The following FRAS1 variants were observed in gnomAD, a reference collection of about 807,000 sequenced individuals.
FRAS1 encodes extracellular matrix organizing protein FRAS1.
Under a neutral mutation model 435.2 loss-of-function variants are expected in FRAS1, and 290 were observed. That is an observed-to-expected ratio of 0.67 (90% CI 0.61 to 0.73). The LOEUF (loss-of-function observed/expected upper bound fraction) is 0.73, where lower values mean the gene tolerates loss of function less well. Ranked by LOEUF, FRAS1 falls within the 30% of genes least tolerant of loss-of-function variation. The probability of loss-of-function intolerance (pLI) is 0.00; values close to 1 mark genes in which losing one functional copy is unlikely to be tolerated. For synonymous variants in FRAS1, 1,800 were observed against 1,851.0 expected, an observed-to-expected ratio of 0.97 and a Z score of 0.71; for missense variants, 4,860 against 5,001.5, an observed-to-expected ratio of 0.97 and a Z score of 0.85.
At chr4:78,383,240 A>T (rs916084026) in intron 27 of FRAS1, among the ~76,000 whole-genome samples, 2 of 152,166 alleles carry the variant, frequency 1.3e-5, no homozygotes, top group African/African-American at 4.8e-5. Context: ...AAAATGTAAG[A>T]CTTGTTATAA....
intron 14 of FRAS1, among the ~76,000 whole-genome samples, chr4:78,302,010 C>G (rs1390013312): frequency 6.6e-6 from 1 of 151,952 alleles, no homozygotes; most frequent in African/African-American, 2.4e-5. Context: ...CCCACTCCCC[C>G]CACCCCACAA....
intron 31 of FRAS1, 110 bp from the exon 32 acceptor site, chr4:78,412,859 G>T: frequency 2.0e-6 from 1 of 505,804 alleles, no homozygotes; most frequent in Non-Finnish European, 3.5e-6. Context: ...TTGTAACGCA[G>T]GAGCATATAG....
chr4:78,466,353 GTAACTCCC>G lies in FRAS1; in HGVS notation c.7177_7184del (p.Asn2393GlnfsTer10). On this transcript the variant is annotated frameshift_variant, in exon 50 of 74. Transcript: ENST00000512123. LOFTEE classifies it high-confidence loss of function. ...CGGGTCAGCTACAGCCATGACGGCA[GTAACTCCC>G]TCAAGGACCGGTTCACCTTCACTGT... is the stretch of plus-strand genomic sequence containing the variant. 1 of 1,613,972 alleles carries G rather than the reference GTAACTCCC, an allele frequency of 6.2e-7. No homozygotes were observed. Among genetic ancestry groups the G allele is most frequent in the Non-Finnish European group, 8.5e-7 (1 of 1,179,886 alleles).
Position 78,246,204 on chromosome 4 carries a change from G to A in FRAS1, c.309+879G>A, listed in dbSNP as rs28672140. The stretch of plus-strand genomic sequence containing the variant: ...TGAGGTAGTAGGTACGGTTGAATAT[G>A]ATGGAAAGAGACTTTGCTTTAATCC... On this transcript the variant is annotated intron_variant, in intron 4 of 73. Coordinates refer to ENST00000512123, the MANE Select transcript of FRAS1 (RefSeq NM_025074.7). Among the ~76,000 whole-genome samples, 9 of 152,278 alleles carry A rather than the reference G, an allele frequency of 5.9e-5. No homozygotes were observed. The East Asian group carries it at 1.7e-3, about 29-fold the overall frequency.
intron 2 of FRAS1, among the ~76,000 whole-genome samples, chr4:78,100,818 T>C (rs2109918191): frequency 6.6e-6 from 1 of 152,324 alleles, no homozygotes; most frequent in South Asian, 2.1e-4. Flanking sequence ...ATTATCCCTA[T>C]TTTACAATCA....
intron 4 of FRAS1, among the ~76,000 whole-genome samples, chr4:78,249,360 A>C: frequency 1.9e-5 from 2 of 104,038 alleles, no homozygotes; most frequent in Admixed American, 1.6e-4. Flanking sequence ...ATGGAGTCTC[A>C]CTCTGTCTCC....
intron 2 of FRAS1, among the ~76,000 whole-genome samples, chr4:78,088,705 A>T (rs1201757398): frequency 6.6e-6 from 1 of 152,194 alleles, no homozygotes; most frequent in Non-Finnish European, 1.5e-5. Flanking sequence ...CCATCAGAGA[A>T]ATGCAAATCA....
At chr4:78,422,021 T>A in intron 34 of FRAS1, 21 bp downstream of exon 34, 1 of 1,597,696 alleles carries the variant, frequency 6.3e-7, no homozygotes, top group Non-Finnish European at 8.5e-7. Context: ...CCTCTCTGCT[T>A]TGAGGCACCC....
intron 1 of FRAS1, among the ~76,000 whole-genome samples, chr4:78,061,901 T>C (rs529262014): frequency 2.0e-5 from 3 of 152,236 alleles, no homozygotes; most frequent in African/African-American, 7.2e-5. Flanking sequence ...CCTTGGTGGG[T>C]TTCTCAGTAT....
At chr4:78,257,540 A>T (rs1725850049) in intron 6 of FRAS1, among the ~76,000 whole-genome samples, 1 of 152,178 alleles carries the variant, frequency 6.6e-6, no homozygotes, top group Non-Finnish European at 1.5e-5. Flanking sequence ...TTTTAATGTA[A>T]GGTTTTTATT....
At position 78,282,977 on chromosome 4, in the gene FRAS1, T is replaced by C. The variant is rs540508144; in HGVS notation, c.1255+10T>C. The stretch of plus-strand genomic sequence containing the variant: ...CCAGACTGCACATCAGGTGGGTCCA[T>C]GTCTCCTCTGTTTCTACTGAGATAG... On this transcript the variant is annotated intron_variant, in intron 12 of 73. Transcript: ENST00000512123. 92 of 1,474,072 alleles carry C rather than the reference T, an allele frequency of 6.2e-5. 2 individuals carry two copies. The East Asian group carries it at 1.9e-3, about 31-fold the overall frequency. 91.3% of individuals were successfully genotyped at this position (1,474,072 alleles called of 1,614,324 possible).
In FRAS1 at chr4:78,408,355, G is replaced by GT. The variant is rs545182513; in HGVS notation, c.4308+521dup. Among the ~76,000 whole-genome samples, 5 of 152,216 alleles carry GT rather than the reference G, an allele frequency of 3.3e-5. No homozygotes were observed. In the East Asian group the frequency reaches 7.7e-4, roughly 23 times the overall value. ...CAAAATATAATTCATAGCATTAGGA[G>GT]TTTTTTTAATTTGTCAGTTCAGATA... is the stretch of plus-strand genomic sequence containing the variant. On this transcript the variant is annotated intron_variant, in intron 31 of 73. Transcript: ENST00000512123.
chr4:78,189,725 G>A (rs1018244042), intron 2 of FRAS1, among the ~76,000 whole-genome samples: 1 of 152,184 alleles, frequency 6.6e-6, no homozygotes, highest in African/African-American at 2.4e-5. Context: ...CAGATGGCAA[G>A]TCTCTATTTT....
rs768601226 is a variant in FRAS1, at chr4:78,472,190, T to A, written c.7382T>A (p.Leu2461Gln). ...LEYMDGKATN[L>Q]ITKKELLTMD... ...GGGTTTCTATTCTAGGCAACCAACCTGATCACCAAGAAGGAACTGCTGACC... is the reference window on the plus strand; with the variant it reads ...GGGTTTCTATTCTAGGCAACCAACCAGATCACCAAGAAGGAACTGCTGACC... The change falls in exon 52 of 74, where the codon CTG (leucine) becomes CAG (glutamine). Residue 2461 changes from leucine to glutamine, a missense_variant. Coordinates refer to ENST00000512123, the MANE Select transcript of FRAS1 (RefSeq NM_025074.7). 42 of 1,613,826 alleles carry A rather than the reference T, an allele frequency of 2.6e-5. No individual in the cohort carries two copies. The highest frequency in any genetic ancestry group is 2.5e-5 in the Non-Finnish European group (30 of 1,179,834).
chr4:78,474,347 T>C (rs114707523), intron 53 of FRAS1, among the ~76,000 whole-genome samples: 1,812 of 152,296 alleles, frequency 0.012, 32 homozygotes, highest in African/African-American at 0.042. Context: ...GGAAATATTC[T>C]TTAAGTCTAC....
At chr4:78,195,566 C>G (rs1010497319) in intron 2 of FRAS1, among the ~76,000 whole-genome samples, 1 of 152,174 alleles carries the variant, frequency 6.6e-6, no homozygotes, top group Admixed American at 6.5e-5. Flanking sequence ...TAGGACCCTT[C>G]GAGCCAGGCG....
rs112611043 is a variant in FRAS1, at chr4:78,130,220, A to G, written c.108+64204A>G. On this transcript the variant is annotated intron_variant, in intron 2 of 73. Transcript: ENST00000512123. ...CATACCTTCCGGTTTTAAGCTCCTT[A>G]TTAACGGTGATTTTTTAAAAATTAT... 1.5e-3 allele frequency among the ~76,000 whole-genome samples: 227 copies of G among 152,156 alleles called. 2 individuals are homozygous for G. The highest frequency in any genetic ancestry group is 5.3e-3 in the African/African-American group (219 of 41,504).
chr4:78,534,462 A>G lies in FRAS1; in HGVS notation c.10939A>G (p.Ile3647Val). 1.9e-6 allele frequency: 3 copies of G among 1,612,444 alleles called. No individual in the cohort carries two copies. Among genetic ancestry groups the G allele is most frequent in the Non-Finnish European group, 2.5e-6 (3 of 1,179,090 alleles). The change falls in exon 71 of 74, where the codon ATT becomes GTT. Residue 3647 changes from isoleucine (I) to valine (V), a missense_variant. Physicochemically the swap from Ile to Val is conservative, Grantham distance 29. Coordinates refer to ENST00000512123, the MANE Select transcript of FRAS1 (RefSeq NM_025074.7). ...AHAPERFLIPIAFQQTNRPVP... is the reference protein window; with the variant it reads ...AHAPERFLIPVAFQQTNRPVP... Reference sequence around the variant, plus strand: ...CCTTGCATTTAGATTCCTGATACCCATTGCATTCCAGCAGACCAACCGCCC... The same window carrying G: ...CCTTGCATTTAGATTCCTGATACCCGTTGCATTCCAGCAGACCAACCGCCC...
At chr4:78,493,381 A>G (rs1230387260) in intron 59 of FRAS1, among the ~76,000 whole-genome samples, 2 of 152,258 alleles carry the variant, frequency 1.3e-5, no homozygotes, top group Non-Finnish European at 2.9e-5. Context: ...ACTATTCACA[A>G]TAGCAAAGAC....
Sources: allele counts gnomAD v4.1 joint callset (sites outside exome capture counted in the v4.1 genomes callset), GRCh38; gene constraint gnomAD v4.1.1; transcripts MANE v1.5; gene names NCBI Gene and HGNC (gene_info 2026-07-23, HGNC 2026-07-21).